The following STUM variants were observed in gnomAD, a reference collection of about 807,000 sequenced individuals.
STUM encodes protein stum homolog.
Under a neutral mutation model 15.3 loss-of-function variants are expected in STUM, and 8 were observed. The ratio of observed to expected loss-of-function variants is 0.52; its 90% CI spans 0.31 to 0.94. STUM has a LOEUF of 0.94. Ranked by LOEUF, STUM falls within the 40% of genes least tolerant of loss-of-function variation. The pLI, the probability that STUM is intolerant of heterozygous loss-of-function variation, is 0.05. For missense variants in STUM, 142 were observed against 204.9 expected, an observed-to-expected ratio of 0.69 and a Z score of 1.87; for synonymous variants, 78 against 88.7, an observed-to-expected ratio of 0.88 and a Z score of 0.68.
intron 1 of STUM, among the ~76,000 whole-genome samples, chr1:226,582,156 G>GA (rs1667928302): frequency 1.3e-5 from 2 of 152,228 alleles, no homozygotes; most frequent in African/African-American, 2.4e-5. Context: ...CGCTGCTGCT[G>GA]CTGTGCCGGC....
chr1:226,578,538 A>G (rs1278994100), intron 1 of STUM, among the ~76,000 whole-genome samples: 5 of 146,136 alleles, frequency 3.4e-5, no homozygotes, highest in Admixed American at 3.4e-4. Context: ...GCTAATTTTT[A>G]AATTACTTGT....
intron 1 of STUM, among the ~76,000 whole-genome samples, chr1:226,589,678 A>C (rs1210517789): frequency 6.6e-6 from 1 of 152,060 alleles, no homozygotes; most frequent in African/African-American, 2.4e-5. Flanking sequence ...ACAGTTCATT[A>C]CCATCATTTT....
At chr1:226,551,085 T>A (rs1390101822) in intron 1 of STUM, among the ~76,000 whole-genome samples, 4 of 152,078 alleles carry the variant, frequency 2.6e-5, no homozygotes, top group African/African-American at 4.8e-5. Flanking sequence ...TTTTTTTTTT[T>A]TAATTTTGCT....
chr1:226,596,487 T>C (rs597429), intron 1 of STUM, among the ~76,000 whole-genome samples: 88,925 of 152,094 alleles, frequency 0.58, 26,333 homozygotes, highest in African/African-American at 0.66. Context: ...AGTGGCTTCC[T>C]GATTGCTCCT....
At chr1:226,587,756 C>T (rs1315107946) in intron 1 of STUM, among the ~76,000 whole-genome samples, 1 of 152,076 alleles carries the variant, frequency 6.6e-6, no homozygotes, top group Non-Finnish European at 1.5e-5. Context: ...GGCCACCTGT[C>T]CACTCTTCCT....
chr1:226,581,486 C>A (rs1391796608), intron 1 of STUM, among the ~76,000 whole-genome samples: 1 of 152,236 alleles, frequency 6.6e-6, no homozygotes, highest in African/African-American at 2.4e-5. Context: ...GGCCTTCTTG[C>A]TGTATCATTA....
At chr1:226,585,848 A>G (rs1296703530) in intron 1 of STUM, among the ~76,000 whole-genome samples, 1 of 152,266 alleles carries the variant, frequency 6.6e-6, no homozygotes, top group Admixed American at 6.5e-5. Flanking sequence ...TGCTATAACA[A>G]GAATACCATA....
chr1:226,589,541 G>A lies in STUM; in HGVS notation c.203-7261G>A, dbSNP rs181006980. On this transcript the variant is annotated intron_variant, in intron 1 of 3. Transcript: ENST00000366788. ...GCTTGTGTTTTTGCTGCAACTCTCCGTGGGAGGACTTCCCCAGGCCTCTGC... is the reference window on the plus strand; with the variant it reads ...GCTTGTGTTTTTGCTGCAACTCTCCATGGGAGGACTTCCCCAGGCCTCTGC... 4.4e-4 allele frequency among the ~76,000 whole-genome samples: 67 copies of A among 152,332 alleles called. 1 individual carries two copies. The South Asian group carries it at 0.011, about 24-fold the overall frequency.
At chr1:226,578,790 T>G (rs1037229309) in intron 1 of STUM, among the ~76,000 whole-genome samples, 1 of 152,180 alleles carries the variant, frequency 6.6e-6, no homozygotes. Context: ...CAGCTGGGCC[T>G]TGGAAGGCCT....
intron 1 of STUM, among the ~76,000 whole-genome samples, chr1:226,572,521 C>T (rs771758392): frequency 2.0e-5 from 3 of 152,138 alleles, no homozygotes; most frequent in Non-Finnish European, 4.4e-5. Flanking sequence ...CACAGTTTTA[C>T]GATGAGCAGA....
intron 1 of STUM, among the ~76,000 whole-genome samples, chr1:226,594,907 C>T (rs1208629337): frequency 2.0e-5 from 3 of 152,208 alleles, no homozygotes; most frequent in Admixed American, 6.5e-5. Context: ...CTGCCCGCCT[C>T]GGCCTCCCAA....
chr1:226,560,105 C>T (rs769349384), intron 1 of STUM, among the ~76,000 whole-genome samples: 1 of 152,200 alleles, frequency 6.6e-6, no homozygotes, highest in Non-Finnish European at 1.5e-5. Flanking sequence ...CGCCACCACA[C>T]TCCAGCCTAG....
chr1:226,574,972 T>A (rs12065556), intron 1 of STUM, among the ~76,000 whole-genome samples: 1 of 152,086 alleles, frequency 6.6e-6, no homozygotes, highest in Admixed American at 6.5e-5. Context: ...CGAGCAGGGC[T>A]GGGGTCATAT....
Position 226,605,670 on chromosome 1 carries a change from C to G in STUM, c.*3630C>G, listed in dbSNP as rs1668344821. On this transcript the variant is annotated 3_prime_UTR_variant, in exon 4 of 4. Transcript: ENST00000366788. This position sits in a 1 kb window ranked among gnomAD's most constrained non-coding sequence, Gnocchi z 4.0. The stretch of plus-strand genomic sequence containing the variant: ...TCCCATATGTGGGGGCGGCCCCCTC[C>G]TGAGACCTGTCATCACTTAGGGGGA... The G allele has an allele frequency of 6.6e-6, 1 of 152,228 alleles. No homozygotes were observed. Among genetic ancestry groups the G allele is most frequent in the Non-Finnish European group, 1.5e-5 (1 of 68,042 alleles). 9.4% of individuals were successfully genotyped at this position (152,228 alleles called of 1,614,324 possible).
rs188707362 is a variant in STUM at position 226,551,541 on chromosome 1, A to G, written c.202+2435A>G. ...TGGCCCCAGCTCTTGGAAATCTGCC[A>G]CTTGGCCCAGATCCACTTCTCCAAG... is the stretch of plus-strand genomic sequence containing the variant. On this transcript the variant is annotated intron_variant, in intron 1 of 3. Coordinates refer to ENST00000366788, the MANE Select transcript of STUM (RefSeq NM_001003665.4). 2.6e-5 allele frequency among the ~76,000 whole-genome samples: 4 copies of G among 152,334 alleles called. No homozygotes were observed. In the East Asian group the frequency reaches 7.7e-4, roughly 29 times the overall value.
intron 1 of STUM, among the ~76,000 whole-genome samples, chr1:226,576,716 T>A (rs755881859): frequency 6.6e-6 from 1 of 152,074 alleles, no homozygotes; most frequent in Non-Finnish European, 1.5e-5. Context: ...CTGTGCCCAT[T>A]AACATGAGCT....
At chr1:226,555,851 G>A (rs1667437687) in intron 1 of STUM, among the ~76,000 whole-genome samples, 1 of 152,058 alleles carries the variant, frequency 6.6e-6, no homozygotes, top group South Asian at 2.1e-4. Flanking sequence ...AGAAATATAA[G>A]TCACATAGAG....
intron 1 of STUM, among the ~76,000 whole-genome samples, chr1:226,588,384 T>G (rs1668031635): frequency 1.3e-5 from 2 of 152,244 alleles, no homozygotes; most frequent in South Asian, 2.1e-4. Flanking sequence ...AGGATGACAC[T>G]GCCTTCCCTC....
At chr1:226,574,546 C>T (rs927827208) in intron 1 of STUM, among the ~76,000 whole-genome samples, 2 of 152,188 alleles carry the variant, frequency 1.3e-5, no homozygotes, top group Non-Finnish European at 2.9e-5. Flanking sequence ...ACGCTTGGAT[C>T]GGCCAGACCT....
Sources: gnomAD v4.1 joint callset for allele counts (sites outside exome capture counted in the v4.1 genomes callset) on GRCh38, gnomAD v4.1.1 for gene constraint, Gnocchi (gnomAD v3.1) non-coding constraint, MANE v1.5 for transcripts, NCBI Gene and HGNC (gene_info 2026-07-23, HGNC 2026-07-21) for gene names.